The following PDE1C variants were observed in gnomAD, a reference collection of about 807,000 sequenced individuals.
PDE1C encodes the protein phosphodiesterase 1C, also known as dual specificity calcium/calmodulin-dependent 3',5'-cyclic nucleotide phosphodiesterase 1C.
In PDE1C, 62 loss-of-function variants were observed where a neutral mutation model predicts 93.1. The ratio of observed to expected loss-of-function variants is 0.67; its 90% CI spans 0.54 to 0.82. The LOEUF (loss-of-function observed/expected upper bound fraction) is 0.82, where lower values mean the gene tolerates loss of function less well. Among genes scored for constraint, PDE1C ranks in the 40% least tolerant of loss-of-function variants. The pLI, the probability that PDE1C is intolerant of heterozygous loss-of-function variation, is 0.00. For synonymous variants in PDE1C, 325 were observed against 310.1 expected (o/e 1.05, Z -0.50); for missense variants, 742 against 884.6 (o/e 0.84, Z 2.04).
intron 16 of PDE1C, among the ~76,000 whole-genome samples, chr7:31,795,964 A>G (rs1785233872): frequency 6.6e-6 from 1 of 151,572 alleles, no homozygotes; most frequent in South Asian, 2.1e-4. Context: ...GTTTAATCGA[A>G]AAAACCTTTT....
At chr7:32,266,281 CA>C (rs886754376) in intron 1 of PDE1C, among the ~76,000 whole-genome samples, 9 of 139,496 alleles carry the variant, frequency 6.5e-5, no homozygotes, top group Non-Finnish European at 9.4e-5. Context: ...GACTCCGTCT[CA>C]AAAAAAAAAG....
At chr7:32,183,532 C>G (rs899957256) in intron 2 of PDE1C, among the ~76,000 whole-genome samples, 6 of 151,888 alleles carry the variant, frequency 4.0e-5, no homozygotes, top group Non-Finnish European at 7.4e-5. Flanking sequence ...ACAAACCTGA[C>G]AAAAACAAGA....
chr7:32,332,211 A>G (rs1173099462), intron 1 of PDE1C, among the ~76,000 whole-genome samples: 4 of 152,346 alleles, frequency 2.6e-5, no homozygotes, highest in South Asian at 2.1e-4. Context: ...CCAATAAAAA[A>G]TGAACAGAAG....
intron 1 of PDE1C, among the ~76,000 whole-genome samples, chr7:32,232,905 T>C (rs567929198): frequency 1.3e-5 from 2 of 152,322 alleles, no homozygotes; most frequent in East Asian, 3.9e-4. Context: ...GTCAACTGGC[T>C]GCCAAAACAA....
intron 1 of PDE1C, among the ~76,000 whole-genome samples, chr7:32,398,933 T>C (rs1784891593): frequency 6.6e-6 from 1 of 152,178 alleles, no homozygotes; most frequent in Non-Finnish European, 1.5e-5. Context: ...GGGTAACTTT[T>C]CCTCTTGCTA....
At chr7:31,886,837 A>G (rs1305444463) in intron 2 of PDE1C, among the ~76,000 whole-genome samples, 14 of 149,168 alleles carry the variant, frequency 9.4e-5, no homozygotes, top group African/African-American at 3.0e-4. Flanking sequence ...TTCAGAATAG[A>G]TCTTTTCGGA....
chr7:31,755,295 A>T (rs559620992), intron 17 of PDE1C, among the ~76,000 whole-genome samples: 1 of 152,214 alleles, frequency 6.6e-6, no homozygotes, highest in Non-Finnish European at 1.5e-5. Flanking sequence ...TATATAAAAT[A>T]CTTATAGATA....
intron 2 of PDE1C, among the ~76,000 whole-genome samples, chr7:32,009,014 A>C (rs1384107891): frequency 6.6e-6 from 1 of 152,204 alleles, no homozygotes; most frequent in Non-Finnish European, 1.5e-5. Flanking sequence ...ATGCAAGATT[A>C]TGGGGGAAAA....
intron 2 of PDE1C, among the ~76,000 whole-genome samples, chr7:31,949,189 T>G (rs890467793): frequency 2.0e-5 from 3 of 152,158 alleles, no homozygotes; most frequent in Non-Finnish European, 2.9e-5. Flanking sequence ...CTGGGCACAG[T>G]GTCTCATGCC....
the PDE1C span, among the ~76,000 whole-genome samples, chr7:31,723,212 G>C: frequency 6.6e-6 from 1 of 152,114 alleles, no homozygotes; most frequent in Non-Finnish European, 1.5e-5. Flanking sequence ...ATTGTATTCT[G>C]CCAGGTCCAT....
chr7:31,849,402 T>C (rs1441125316), intron 8 of PDE1C, among the ~76,000 whole-genome samples: 2 of 152,132 alleles, frequency 1.3e-5, no homozygotes, highest in African/African-American at 2.4e-5. Flanking sequence ...GGAATTCTGT[T>C]CCCTTGGAAC....
chr7:32,386,025 A>G (rs1784618960), intron 1 of PDE1C, among the ~76,000 whole-genome samples: 1 of 150,260 alleles, frequency 6.7e-6, no homozygotes, highest in African/African-American at 2.5e-5. Context: ...CCTGTTTCAC[A>G]CTTTCATGCC....
chr7:31,667,943 G>A, the PDE1C span, among the ~76,000 whole-genome samples: 1 of 151,966 alleles, frequency 6.6e-6, no homozygotes, highest in Non-Finnish European at 1.5e-5. Flanking sequence ...AAAATAAAAG[G>A]AGAGGGAGGA....
At chr7:32,364,246 A>AT (rs1018560696) in intron 1 of PDE1C, among the ~76,000 whole-genome samples, 6 of 152,292 alleles carry the variant, frequency 3.9e-5, no homozygotes, top group African/African-American at 1.4e-4. Context: ...ATTTAAATTC[A>AT]TTTTTTTAAG....
chr7:31,695,221 C>T, the PDE1C span, among the ~76,000 whole-genome samples: 19 of 152,254 alleles, frequency 1.2e-4, no homozygotes, highest in African/African-American at 3.4e-4. Flanking sequence ...TTCTTTGCCT[C>T]GGTGATCCAT....
At chr7:32,209,467 G>A in intron 2 of PDE1C, 1 of 1,560,704 alleles carries the variant, frequency 6.4e-7, no homozygotes, top group South Asian at 1.2e-5. Flanking sequence ...ACCAGGAAAG[G>A]AGTGAAACAA....
chr7:32,229,315 T>G (rs1453870715), intron 1 of PDE1C, among the ~76,000 whole-genome samples: 4 of 152,188 alleles, frequency 2.6e-5, no homozygotes, highest in Non-Finnish European at 5.9e-5. Context: ...GCCAGGCAGG[T>G]TGTGCACTGC....
chr7:31,787,652 G>T (rs951773952), intron 16 of PDE1C: 1 of 152,166 alleles, frequency 6.6e-6, no homozygotes, highest in African/African-American at 2.4e-5. Context: ...CTTAATTCAG[G>T]TGTGTAAGCC....
intron 1 of PDE1C, among the ~76,000 whole-genome samples, chr7:32,284,804 G>A (rs538113373): frequency 3.9e-5 from 6 of 152,238 alleles, no homozygotes; most frequent in East Asian, 3.9e-4. Context: ...AGGCTGAAGC[G>A]GGCAGATCAC....
Sources: gnomAD v4.1 joint callset for allele counts (sites outside exome capture counted in the v4.1 genomes callset) on GRCh38, gnomAD v4.1.1 for gene constraint, MANE v1.5 for transcripts, NCBI Gene and HGNC (gene_info 2026-07-23, HGNC 2026-07-21) for gene names.